The following ESRRG variants were observed in gnomAD, a reference collection of about 807,000 sequenced individuals.
ESRRG encodes the protein estrogen-related receptor gamma.
A neutral mutation model predicts 44.0 loss-of-function variants in ESRRG; 13 were observed. The ratio of observed to expected loss-of-function variants is 0.30; its 90% CI spans 0.19 to 0.47. ESRRG has a LOEUF of 0.47. Ranked by LOEUF, ESRRG falls within the 20% of genes least tolerant of loss-of-function variation. The pLI, the probability that ESRRG is intolerant of heterozygous loss-of-function variation, is 1.00. For missense variants in ESRRG, 395 were observed against 580.6 expected (o/e 0.68, Z 3.29); for synonymous variants, 215 against 214.6 (o/e 1.00, Z -0.02).
chr1:216,524,148 A>G (rs1001879384), intron 5 of ESRRG, among the ~76,000 whole-genome samples: 5 of 150,638 alleles, frequency 3.3e-5, no homozygotes, highest in South Asian at 2.1e-4. Flanking sequence ...CTTTTCACAT[A>G]TGGGGCAGAC....
chr1:216,838,310 G>A (rs2095599778), intron 2 of ESRRG, among the ~76,000 whole-genome samples: 1 of 152,128 alleles, frequency 6.6e-6, no homozygotes, highest in South Asian at 2.1e-4. Flanking sequence ...CAGAAACTGG[G>A]TTTAGTTGGT....
chr1:216,981,507 AG>A (rs768569324), intron 1 of ESRRG, among the ~76,000 whole-genome samples: 1 of 152,204 alleles, frequency 6.6e-6, no homozygotes, highest in Non-Finnish European at 1.5e-5. Flanking sequence ...AACTCAAAAC[AG>A]CACCTCGCAC....
intron 1 of ESRRG, among the ~76,000 whole-genome samples, chr1:216,980,350 C>T (rs1225929073): frequency 2.0e-5 from 3 of 152,106 alleles, no homozygotes; most frequent in African/African-American, 7.2e-5. Context: ...CTATATGTCC[C>T]AGAAAAACCT....
intron 1 of ESRRG, among the ~76,000 whole-genome samples, chr1:217,049,943 C>A (rs1384380700): frequency 1.3e-5 from 2 of 152,182 alleles, no homozygotes; most frequent in African/African-American, 2.4e-5. Flanking sequence ...GACACAGATG[C>A]CATCATTCTG....
At chr1:216,901,162 T>G in intron 2 of ESRRG, among the ~76,000 whole-genome samples, 1 of 151,738 alleles carries the variant, frequency 6.6e-6, no homozygotes, top group African/African-American at 2.4e-5. Flanking sequence ...TGCTTTGTTG[T>G]GTGCATGGGG....
At chr1:216,637,985 A>G (rs1031572985) in intron 3 of ESRRG, among the ~76,000 whole-genome samples, 3 of 152,150 alleles carry the variant, frequency 2.0e-5, no homozygotes, top group Non-Finnish European at 4.4e-5. Context: ...ATGCAACTGA[A>G]AAGTATACTG....
chr1:216,640,749 C>T (rs897869262), intron 3 of ESRRG, among the ~76,000 whole-genome samples: 1 of 152,080 alleles, frequency 6.6e-6, no homozygotes, highest in African/African-American at 2.4e-5. Context: ...CAAGTGTACA[C>T]CTGAATTCCT....
chr1:216,731,166 C>T (rs550766134), intron 2 of ESRRG, among the ~76,000 whole-genome samples: 12 of 152,232 alleles, frequency 7.9e-5, no homozygotes, highest in Non-Finnish European at 8.8e-5. Flanking sequence ...TGTTCAAAAA[C>T]GGTTCTTGTA....
intron 2 of ESRRG, among the ~76,000 whole-genome samples, chr1:216,909,169 G>A (rs372894643): frequency 4.6e-5 from 7 of 152,102 alleles, no homozygotes; most frequent in African/African-American, 1.4e-4. Context: ...CTAAACTGAC[G>A]GTAATAATAT....
In ESRRG at chr1:216,507,071, G is replaced by C. The variant is rs373627569; in HGVS notation, c.1245C>G (p.Gly415=). 1 of 1,614,002 alleles carries C rather than the reference G, an allele frequency of 6.2e-7. No individual in the cohort carries two copies. Among genetic ancestry groups the C allele is most frequent in the African/African-American group, 1.3e-5 (1 of 74,914 alleles). The change falls in exon 7 of 7, where the codon GGC becomes GGG. Residue 415 remains glycine (G), a synonymous_variant. Coordinates refer to ENST00000408911, the MANE Select transcript of ESRRG (RefSeq NM_001438.4). ...GQHMEDPRRA[G]KMLMTLPLLR... Reference sequence around the variant, plus strand: ...GGAGTGGCAGTGTCATCAGCATCTTGCCAGCTCGACGAGGGTCTTCCATGT... The same window carrying C: ...GGAGTGGCAGTGTCATCAGCATCTTCCCAGCTCGACGAGGGTCTTCCATGT...
chr1:216,779,137 A>G (rs2093728376), intron 2 of ESRRG, among the ~76,000 whole-genome samples: 1 of 117,504 alleles, frequency 8.5e-6, no homozygotes, highest in South Asian at 2.4e-4. Context: ...TGTAAATATA[A>G]ATATATATTT....
At chr1:216,696,688 G>A (rs2080226656) in intron 1 of ESRRG, among the ~76,000 whole-genome samples, 1 of 152,106 alleles carries the variant, frequency 6.6e-6, no homozygotes, top group African/African-American at 2.4e-5. Context: ...ATAAGGAGAA[G>A]CTGACTTATT....
chr1:217,007,058 G>GATT (rs1332192782), intron 1 of ESRRG, among the ~76,000 whole-genome samples: 5 of 152,164 alleles, frequency 3.3e-5, no homozygotes, highest in African/African-American at 1.2e-4. Context: ...AATCCATCAG[G>GATT]ATTTTTCTTT....
intron 2 of ESRRG, among the ~76,000 whole-genome samples, chr1:216,893,463 TA>T (rs2058052666): frequency 1.3e-5 from 2 of 152,166 alleles, no homozygotes; most frequent in Admixed American, 1.3e-4. Context: ...AAATGAACTT[TA>T]AAGATAAATC....
intron 2 of ESRRG, among the ~76,000 whole-genome samples, chr1:216,931,344 C>T (rs1018525077): frequency 1.3e-5 from 2 of 152,170 alleles, no homozygotes; most frequent in African/African-American, 2.4e-5. Context: ...CTGGCCTACC[C>T]TTTGTGTAAA....
intron 2 of ESRRG, among the ~76,000 whole-genome samples, chr1:216,877,386 T>G (rs1446787426): frequency 6.8e-5 from 3 of 44,276 alleles, no homozygotes; most frequent in South Asian, 9.9e-4. Context: ...GGTGTTTTTT[T>G]TTGTTTGTTT....
intron 2 of ESRRG, among the ~76,000 whole-genome samples, chr1:216,924,523 A>T (rs1464354622): frequency 6.6e-6 from 1 of 152,202 alleles, no homozygotes; most frequent in Non-Finnish European, 1.5e-5. Flanking sequence ...TGTCTGTTAG[A>T]GCAGATAATA....
At chr1:216,761,752 T>C (rs2092787470) in intron 2 of ESRRG, among the ~76,000 whole-genome samples, 1 of 152,174 alleles carries the variant, frequency 6.6e-6, no homozygotes, top group Admixed American at 6.6e-5. Flanking sequence ...TTAATACTTG[T>C]CAAGTAATGG....
chr1:216,895,661 T>C (rs2058332402), intron 2 of ESRRG, among the ~76,000 whole-genome samples: 1 of 152,188 alleles, frequency 6.6e-6, no homozygotes, highest in African/African-American at 2.4e-5. Context: ...CTTCTAATGA[T>C]GGAGATGTTA....
Sources: gnomAD v4.1 joint callset for allele counts (sites outside exome capture counted in the v4.1 genomes callset) on GRCh38, gnomAD v4.1.1 for gene constraint, MANE v1.5 for transcripts, NCBI Gene and HGNC (gene_info 2026-07-23, HGNC 2026-07-21) for gene names.